AFAP1: variants seen among roughly 807,000 people sequenced by gnomAD.
The protein encoded by AFAP1 is actin filament-associated protein 1.
AFAP1 carries 75 observed loss-of-function variants against 93.9 expected under a neutral mutation model. The observed-to-expected ratio is 0.80, with a 90% CI of 0.66 to 0.97. The LOEUF (loss-of-function observed/expected upper bound fraction) is 0.97, where lower values mean the gene tolerates loss of function less well. Among genes scored for constraint, AFAP1 ranks in the 50% least tolerant of loss-of-function variants. The pLI, the probability that AFAP1 is intolerant of heterozygous loss-of-function variation, is 0.00. For missense variants in AFAP1, 1,201 were observed against 1,050.8 expected, an observed-to-expected ratio of 1.14 and a Z score of -1.98; for synonymous variants, 517 against 430.7, an observed-to-expected ratio of 1.20 and a Z score of -2.48.
intron 3 of AFAP1, among the ~76,000 whole-genome samples, chr4:7,866,161 T>A (rs1716374730): frequency 6.6e-6 from 1 of 152,066 alleles, no homozygotes; most frequent in Admixed American, 6.5e-5. Context: ...CCTCCCAAAG[T>A]GCTGGGATTA....
intron 3 of AFAP1, among the ~76,000 whole-genome samples, chr4:7,861,683 C>A (rs1241573165): frequency 6.6e-6 from 1 of 152,142 alleles, no homozygotes; most frequent in African/African-American, 2.4e-5. Context: ...CCACCAGGGG[C>A]GGAAACAGGA....
intron 8 of AFAP1, among the ~76,000 whole-genome samples, chr4:7,812,660 G>A (rs67369171): frequency 0.11 from 16,793 of 152,184 alleles, 1,008 homozygotes; most frequent in South Asian, 0.14. Flanking sequence ...GCACACGCTG[G>A]CCCATGAGGT....
chr4:7,884,706 C>T (rs1198170015), intron 1 of AFAP1, among the ~76,000 whole-genome samples: 1 of 152,100 alleles, frequency 6.6e-6, no homozygotes, highest in Non-Finnish European at 1.5e-5. Context: ...AAAACCCAAA[C>T]AGAAAAAAAT....
chr4:7,788,770 TA>T (rs1439902718), intron 11 of AFAP1: 1 of 148,680 alleles, frequency 6.7e-6, no homozygotes, highest in African/African-American at 2.6e-5. Flanking sequence ...GAGGAATGAA[TA>T]AAGCCTGGCC....
chr4:7,863,024 C>A (rs1715914316), intron 3 of AFAP1, among the ~76,000 whole-genome samples: 1 of 152,224 alleles, frequency 6.6e-6, no homozygotes, highest in Non-Finnish European at 1.5e-5. Flanking sequence ...TTTCCCAGGA[C>A]CTGGGGCTCG....
chr4:7,790,231 GTT>G (rs941175863), intron 11 of AFAP1, among the ~76,000 whole-genome samples: 11 of 152,320 alleles, frequency 7.2e-5, no homozygotes, highest in Admixed American at 6.5e-4. Flanking sequence ...TTACAGGAGT[GTT>G]TGGCTAGAAA....
At chr4:7,815,872 G>A in intron 8 of AFAP1, 146 bp downstream of exon 8, 1 of 636,150 alleles carries the variant, frequency 1.6e-6, no homozygotes, top group Admixed American at 3.4e-5. Context: ...ACTCCCATCA[G>A]TATCCTCTGC....
Position 7,822,045 on chromosome 4 carries a change from A to C in AFAP1, c.727-2874T>G, listed in dbSNP as rs190832696. ...TCTTGTTTCTCTCGCTTTCATGCTA[A>C]TTGCTTTTTTGGTCTTTACTCCCTC... On this transcript the variant is annotated intron_variant, in intron 6 of 17. Coordinates refer to ENST00000420658, the MANE Select transcript of AFAP1 (RefSeq NM_001134647.2). Among the ~76,000 whole-genome samples the C allele has an allele frequency of 2.0e-5, 3 of 152,234 alleles. No homozygotes were observed. In the East Asian group the frequency reaches 5.8e-4, roughly 29 times the overall value.
At chr4:7,828,924 T>C (rs925774767) in intron 6 of AFAP1, among the ~76,000 whole-genome samples, 4 of 152,158 alleles carry the variant, frequency 2.6e-5, no homozygotes, top group African/African-American at 9.7e-5. Context: ...GTTCCCATAA[T>C]CCCCATGTCT....
intron 1 of AFAP1, among the ~76,000 whole-genome samples, chr4:7,918,282 G>A (rs1720206906): frequency 6.7e-6 from 1 of 150,310 alleles, no homozygotes; most frequent in South Asian, 2.1e-4. Context: ...ATTCGGCCCA[G>A]GTCACCAGGA....
chr4:7,785,643 A>G (rs1259475472), intron 12 of AFAP1, among the ~76,000 whole-genome samples: 1 of 152,202 alleles, frequency 6.6e-6, no homozygotes, highest in Non-Finnish European at 1.5e-5. Context: ...TTAATTAGTG[A>G]CAGCGACATT....
intron 1 of AFAP1, among the ~76,000 whole-genome samples, chr4:7,913,825 T>C (rs55844411): frequency 0.31 from 46,904 of 152,110 alleles, 9,009 homozygotes; most frequent in Non-Finnish European, 0.44. Context: ...AGGGTCTATA[T>C]CAAAAATATG....
chr4:7,787,885 G>C lies in AFAP1; in HGVS notation c.1413-1574C>G, dbSNP rs113609524. Among the ~76,000 whole-genome samples, 591 of 152,260 alleles carry C rather than the reference G, an allele frequency of 3.9e-3. 4 individuals are homozygous for C. The highest frequency in any genetic ancestry group is 0.014 in the African/African-American group (562 of 41,558). On this transcript the variant is annotated intron_variant, in intron 11 of 17. Transcript: ENST00000420658. ...CCCCGGCACTCCCCTGGCTCTCGCGGCTCCCCCAGCCACTCTGCCTGCCGA... is the reference window on the plus strand; with the variant it reads ...CCCCGGCACTCCCCTGGCTCTCGCGCCTCCCCCAGCCACTCTGCCTGCCGA...
In AFAP1 at chr4:7,762,663, CAGGAG is replaced by C. The variant is rs888838491; in HGVS notation, c.*1097_*1101del. On this transcript the variant is annotated 3_prime_UTR_variant, in exon 18 of 18. Coordinates refer to ENST00000420658, the MANE Select transcript of AFAP1 (RefSeq NM_001134647.2). ...AGGCCCTACTTGCACCCACCCTACT[CAGGAG>C]AGGCAGCACGGCCAGGCCCACCAAC... is the stretch of plus-strand genomic sequence containing the variant. 1.3e-5 allele frequency: 2 copies of C among 152,252 alleles called. No individual in the cohort carries two copies. Among genetic ancestry groups the C allele is most frequent in the Admixed American group, 6.5e-5 (1 of 15,282 alleles). The allele number at this position is 152,252 out of a possible 1,614,324, so 9.4% of individuals were successfully genotyped here.
chr4:7,879,402 C>T (rs1384796302), intron 1 of AFAP1, among the ~76,000 whole-genome samples: 1 of 152,222 alleles, frequency 6.6e-6, no homozygotes, highest in African/African-American at 2.4e-5. Context: ...TGAACCACCT[C>T]CTCTGTTCGA....
intron 1 of AFAP1, chr4:7,872,401 T>C (rs887304562): frequency 4.5e-6 from 1 of 220,428 alleles, no homozygotes; most frequent in African/African-American, 2.3e-5. Flanking sequence ...ATATTAAATT[T>C]CAATGTCAAG....
chr4:7,878,882 G>C (rs1717678283), intron 1 of AFAP1, among the ~76,000 whole-genome samples: 1 of 152,032 alleles, frequency 6.6e-6, no homozygotes, highest in South Asian at 2.1e-4. Context: ...TCTAAATTTT[G>C]CTCCCGGTGG....
chr4:7,847,575 C>CA (rs1713862098), intron 4 of AFAP1, among the ~76,000 whole-genome samples: 1 of 152,226 alleles, frequency 6.6e-6, no homozygotes, highest in Non-Finnish European at 1.5e-5. Flanking sequence ...TTGGTAGCTC[C>CA]ACCAGCCAGA....
chr4:7,792,211 C>G (rs1239208857), intron 11 of AFAP1, among the ~76,000 whole-genome samples: 4 of 152,194 alleles, frequency 2.6e-5, no homozygotes, highest in Non-Finnish European at 5.9e-5. Flanking sequence ...TTACCGCCAA[C>G]TGCCATGGAG....
Sources: allele counts gnomAD v4.1 joint callset (sites outside exome capture counted in the v4.1 genomes callset), GRCh38; gene constraint gnomAD v4.1.1; transcripts MANE v1.5; gene names NCBI Gene and HGNC (gene_info 2026-07-23, HGNC 2026-07-21).